ZNF471: variants seen among roughly 807,000 people sequenced by gnomAD.
The protein encoded by ZNF471 is zinc finger protein 471, also known as EZFIT-related protein 1.
ZNF471 carries 7 observed loss-of-function variants against 13.7 expected under a neutral mutation model. The ratio of observed to expected loss-of-function variants is 0.51; its 90% CI spans 0.29 to 0.96. The LOEUF (loss-of-function observed/expected upper bound fraction) is 0.96. Ranked by LOEUF, ZNF471 falls within the 40% of genes least tolerant of loss-of-function variation. ZNF471 has a pLI of 0.08. For synonymous variants in ZNF471, 218 were observed against 235.6 expected, an observed-to-expected ratio of 0.93 and a Z score of 0.68; for missense variants, 663 against 743.3, an observed-to-expected ratio of 0.89 and a Z score of 1.26.
In ZNF471 at chr19:56,526,638, G is replaced by C. The variant is rs1204019157; in HGVS notation, c.*690G>C. On this transcript the variant is annotated 3_prime_UTR_variant, in exon 5 of 5. Transcript: ENST00000308031. ...CTCCCTGCCAGCACAGCAGTCTGAA[G>C]TCAACCTGGGATGATCAAGCTTGGT... The C allele has an allele frequency of 6.6e-6, 1 of 152,270 alleles. No individual in the cohort carries two copies. The highest frequency in any genetic ancestry group is 1.5e-5 in the Non-Finnish European group (1 of 68,136). The allele number at this position is 152,270 out of a possible 1,614,324, so 9.4% of individuals were successfully genotyped here.
chr19:56,519,913 C>T (rs934107254), intron 4 of ZNF471, among the ~76,000 whole-genome samples: 1 of 152,314 alleles, frequency 6.6e-6, no homozygotes, highest in African/African-American at 2.4e-5. Flanking sequence ...CTAGCACATC[C>T]ATGCTGTATG....
At position 56,525,552 on chromosome 19, in the gene ZNF471, T is replaced by A. The variant is rs199918463; in HGVS notation, c.1485T>A (p.Ala495=). The change falls in exon 5 of 5, where the codon GCT becomes GCA. Residue 495 remains alanine (A), a synonymous_variant. Coordinates refer to ENST00000308031, the MANE Select transcript of ZNF471 (RefSeq NM_020813.4). ...ATGAATGTAAAGAATGTGGAAAAGC[T>A]TTTAGAATCAGTTCACAGCTGGCTA... ...KPYECKECGK[A]FRISSQLATH... is the part of the protein sequence containing the mutation. 2 of 1,613,982 alleles carry A rather than the reference T, an allele frequency of 1.2e-6. No individual in the cohort carries two copies. Among genetic ancestry groups the A allele is most frequent in the African/African-American group, 2.7e-5 (2 of 74,998 alleles).
In ZNF471 at chr19:56,516,212, A is replaced by G; in HGVS notation, c.34-63A>G. 3.2e-6 allele frequency: 5 copies of G among 1,553,324 alleles called. No homozygotes were observed. Among genetic ancestry groups the G allele is most frequent in the African/African-American group, 2.7e-5 (2 of 73,542 alleles). On this transcript the variant is annotated intron_variant, in intron 2 of 4. Transcript: ENST00000308031. The surrounding 1 kb of genome is among the most constrained non-coding windows in gnomAD (Gnocchi z 4.4). The stretch of plus-strand genomic sequence containing the variant: ...CTCACCTAAAGTAGAGACACTTTGG[A>G]TCAACTCAGAGTTATCTTTGGACAC...
chr19:56,521,393 C>G (rs1289858596), intron 4 of ZNF471, among the ~76,000 whole-genome samples: 1 of 152,170 alleles, frequency 6.6e-6, no homozygotes, highest in Non-Finnish European at 1.5e-5. Context: ...AATCCCAGCA[C>G]TTTGGGAGGC....
intron 4 of ZNF471, among the ~76,000 whole-genome samples, chr19:56,523,760 T>C (rs1476743657): frequency 6.6e-6 from 1 of 152,200 alleles, no homozygotes; most frequent in African/African-American, 2.4e-5. Flanking sequence ...AGGCATGAAA[T>C]ATTACCATTG....
intron 4 of ZNF471, among the ~76,000 whole-genome samples, chr19:56,518,827 A>G (rs916226461): frequency 6.6e-6 from 1 of 152,164 alleles, no homozygotes; most frequent in African/African-American, 2.4e-5. Flanking sequence ...TTTGTTTTGC[A>G]AAAATCATTA....
rs2044077099 is a variant in ZNF471, at chr19:56,528,796, CTAATGTT to C, written c.*2852_*2858del. On this transcript the variant is annotated 3_prime_UTR_variant, in exon 5 of 5. Coordinates refer to ENST00000308031, the MANE Select transcript of ZNF471 (RefSeq NM_020813.4). ...TATTTAGTCAAGTAAAAAAAAATCACTAATGTTTAACTGAAGAAAGAGAAATTGAATA... is the reference window on the plus strand; with the variant it reads ...TATTTAGTCAAGTAAAAAAAAATCACTAACTGAAGAAAGAGAAATTGAATA... The C allele has an allele frequency of 1.3e-5, 2 of 152,152 alleles. No homozygotes were observed. Among genetic ancestry groups the C allele is most frequent in the East Asian group, 3.9e-4 (2 of 5,184 alleles). 9.4% of individuals were successfully genotyped at this position (152,152 alleles called of 1,614,324 possible).
chr19:56,509,107 G>C (rs1448304632), intron 1 of ZNF471, among the ~76,000 whole-genome samples: 4 of 152,158 alleles, frequency 2.6e-5, no homozygotes, highest in Admixed American at 2.6e-4. Flanking sequence ...CAGCCTGTAG[G>C]TTGATCACGG....
intron 4 of ZNF471, 80 bp downstream of exon 4, chr19:56,518,657 A>G (rs1600515032): frequency 8.4e-7 from 1 of 1,196,414 alleles, no homozygotes; most frequent in Admixed American, 2.3e-5. Context: ...CTTCTCACTT[A>G]TGCATCTCAG....
chr19:56,524,555 A>T lies in ZNF471; in HGVS notation c.488A>T (p.Lys163Ile). The T allele has an allele frequency of 6.3e-7, 1 of 1,597,656 alleles. No homozygotes were observed. The highest frequency in any genetic ancestry group is 8.5e-7 in the Non-Finnish European group (1 of 1,175,542). ...ITKETEFKYT[K>I]FGKCIHLENI... Reference sequence around the variant, plus strand: ...AAGGAAACAGAATTCAAATATACTAAATTTGGGAAATGTATCCATCTGGAA... The same window carrying T: ...AAGGAAACAGAATTCAAATATACTATATTTGGGAAATGTATCCATCTGGAA... The change falls in exon 5 of 5, where the codon AAA (lysine) becomes ATA (isoleucine). Residue 163 changes from lysine to isoleucine, a missense_variant. By Grantham distance (102) the Lys-to-Ile change is moderately radical (BLOSUM62 -3). Transcript: ENST00000308031. The surrounding 1 kb of genome is among the most constrained non-coding windows in gnomAD (Gnocchi z 4.8).
chr19:56,510,223 T>C lies in ZNF471; in HGVS notation c.-55-1294T>C. 1.0e-6 allele frequency: 1 copy of C among 985,504 alleles called. No individual in the cohort carries two copies. The highest frequency in any genetic ancestry group is 1.2e-6 in the Non-Finnish European group (1 of 829,990). 61.0% of individuals were successfully genotyped at this position (985,504 alleles called of 1,614,324 possible). On this transcript the variant is annotated intron_variant, in intron 1 of 4. Transcript: ENST00000308031. The surrounding 1 kb of genome is among the most constrained non-coding windows in gnomAD (Gnocchi z 4.3). Reference sequence around the variant, plus strand: ...TGAGAGATCAGAGTGTGTTTGTGTATCTGTGTGAGACACTGGAGCATTTGA... The same window carrying C: ...TGAGAGATCAGAGTGTGTTTGTGTACCTGTGTGAGACACTGGAGCATTTGA...
In ZNF471 at chr19:56,524,718, TA is replaced by T. The variant is rs770989247; in HGVS notation, c.652del (p.Ser218AlafsTer171). ...ATGAATGTGACAAAACCTTCACCCA[TA>T]GCTCATCCCTTACTGTTCATTTTAG... ...CNECDKTFTH[S>X]SSLTVHFRIH... On this transcript the variant is annotated frameshift_variant, in exon 5 of 5. Transcript: ENST00000308031. LOFTEE classifies it low-confidence loss of function (END_TRUNC). The surrounding 1 kb of genome is among the most constrained non-coding windows in gnomAD (Gnocchi z 4.8). 2.9e-5 allele frequency: 46 copies of T among 1,596,066 alleles called. No individual in the cohort carries two copies. The highest frequency in any genetic ancestry group is 3.5e-5 in the Non-Finnish European group (41 of 1,174,214).
rs1294088041 is a variant in ZNF471, at chr19:56,516,698, GACA to G, written c.160+305_160+307del. On this transcript the variant is annotated intron_variant, in intron 3 of 4. Coordinates refer to ENST00000308031, the MANE Select transcript of ZNF471 (RefSeq NM_020813.4). The surrounding 1 kb of genome is among the most constrained non-coding windows in gnomAD (Gnocchi z 4.4). ...TCCTACAGAATTACTATCACCACTAGACAACAACAAGGTTCACAAAGAATATAT... is the reference window on the plus strand; with the variant it reads ...TCCTACAGAATTACTATCACCACTAGACAACAAGGTTCACAAAGAATATAT... 2.6e-5 allele frequency among the ~76,000 whole-genome samples: 4 copies of G among 152,166 alleles called. No homozygotes were observed. The highest frequency in any genetic ancestry group is 2.1e-4 in the South Asian group (1 of 4,834).
At position 56,525,465 on chromosome 19, in the gene ZNF471, A is replaced by G; in HGVS notation, c.1398A>G (p.Lys466=). Reference sequence around the variant, plus strand: ...CGTATGAATGCAAGGAATGTGGGAAAGCCTTTAGGCAGAATGTACACCTTG... The same window carrying G: ...CGTATGAATGCAAGGAATGTGGGAAGGCCTTTAGGCAGAATGTACACCTTG... ...EKPYECKECG[K]AFRQNVHLVS... is the part of the protein sequence containing the mutation. Residue 466 remains lysine, a synonymous_variant, in exon 5 of 5, where the codon AAA becomes AAG. Transcript: ENST00000308031. 6.2e-7 allele frequency: 1 copy of G among 1,614,160 alleles called. No individual in the cohort carries two copies. The highest frequency in any genetic ancestry group is 8.5e-7 in the Non-Finnish European group (1 of 1,180,026).
chr19:56,526,045 TGTA>T lies in ZNF471; in HGVS notation c.*99_*101del, dbSNP rs1288281223. On this transcript the variant is annotated 3_prime_UTR_variant, in exon 5 of 5. Transcript: ENST00000308031. ...ATAAAAAACATATAAATGTAAGAAA[TGTA>T]GAAAAACCTTCAGCCAGGAGGCTGG... The T allele has an allele frequency of 3.7e-6, 5 of 1,340,412 alleles. No homozygotes were observed. Among genetic ancestry groups the T allele is most frequent in the Non-Finnish European group, 3.0e-6 (3 of 995,570 alleles). The allele number at this position is 1,340,412 out of a possible 1,614,324, so 83.0% of individuals were successfully genotyped here.
At chr19:56,513,340 T>C (rs2043835705) in intron 2 of ZNF471, among the ~76,000 whole-genome samples, 1 of 152,234 alleles carries the variant, frequency 6.6e-6, no homozygotes, top group South Asian at 2.1e-4. Flanking sequence ...GTAAACATTA[T>C]TCACTATTTT....
Position 56,511,511 on chromosome 19 carries a change from C to T in ZNF471, c.-55-6C>T. On this transcript the variant is annotated splice_polypyrimidine_tract_variant and splice_region_variant and intron_variant, in intron 1 of 4. Transcript: ENST00000308031. ...TCATCTCTCTCTAACCTTTCCCTTC[C>T]TTCAGCCTTGCCCTCCCAAGACACT... 2 of 1,610,036 alleles carry T rather than the reference C, an allele frequency of 1.2e-6. No individual in the cohort carries two copies. The highest frequency in any genetic ancestry group is 1.7e-6 in the Non-Finnish European group (2 of 1,177,504).
rs751798855 is a variant in ZNF471, at chr19:56,525,417, A to G, written c.1350A>G (p.Gln450=). The G allele has an allele frequency of 6.2e-7, 1 of 1,613,932 alleles. No homozygotes were observed. The highest frequency in any genetic ancestry group is 8.5e-7 in the Non-Finnish European group (1 of 1,180,006). The change falls in exon 5 of 5, where the codon CAA becomes CAG. Residue 450 remains glutamine (Q), a synonymous_variant. Coordinates refer to ENST00000308031, the MANE Select transcript of ZNF471 (RefSeq NM_020813.4). ...FSHHASLTQH[Q]RVHSGEKPYE... ...ATCATGCATCACTCACTCAGCATCA[A>G]AGAGTACATTCTGGAGAGAAACCGT...
At position 56,525,279 on chromosome 19, in the gene ZNF471, ATGTGG is replaced by A; in HGVS notation, c.1217_1221del (p.Gly406ValfsTer25). On this transcript the variant is annotated frameshift_variant, in exon 5 of 5. Transcript: ENST00000308031. LOFTEE classifies it low-confidence loss of function (END_TRUNC). ...TTCATACAGGAGAGAAACCTTACAA[ATGTGG>A]TGTGTGTGGAAAAACCTTCAGCTCG... The A allele has an allele frequency of 6.2e-7, 1 of 1,611,696 alleles. No individual in the cohort carries two copies.
Sources: gnomAD v4.1 joint callset for allele counts (sites outside exome capture counted in the v4.1 genomes callset) on GRCh38, gnomAD v4.1.1 for gene constraint, Gnocchi (gnomAD v3.1) non-coding constraint, MANE v1.5 for transcripts, NCBI Gene and HGNC (gene_info 2026-07-23, HGNC 2026-07-21) for gene names.